The following ONECUT1 variants were observed in gnomAD, a reference collection of about 807,000 sequenced individuals.
ONECUT1 encodes one cut homeobox 1, also known as hepatocyte nuclear factor 6.
Under a neutral mutation model 25.6 loss-of-function variants are expected in ONECUT1, and 12 were observed. The ratio of observed to expected loss-of-function variants is 0.47; its 90% CI spans 0.30 to 0.76. The LOEUF is 0.76. Among genes scored for constraint, ONECUT1 ranks in the 30% least tolerant of loss-of-function variants. ONECUT1 has a pLI of 0.07. For synonymous variants in ONECUT1, 285 were observed against 270.2 expected (o/e 1.05, Z -0.54); for missense variants, 620 against 651.2 (o/e 0.95, Z 0.52).
rs183481516 is a variant in ONECUT1 at position 52,774,005 on chromosome 15, C to T, written c.1105+14775G>A. Among the ~76,000 whole-genome samples the T allele has an allele frequency of 2.4e-4, 37 of 152,194 alleles. 1 individual carries two copies. The highest frequency in any genetic ancestry group is 7.5e-4 in the African/African-American group (31 of 41,526). On this transcript the variant is annotated intron_variant, in intron 1 of 1. Transcript: ENST00000305901. ...ATTACCAGAGATTTTTTATTGTCTC[C>T]ATTATTCTTTTATGTGTTTTCAAAT...
intron 1 of ONECUT1, among the ~76,000 whole-genome samples, chr15:52,778,465 A>C (rs1293551355): frequency 6.6e-6 from 1 of 152,204 alleles, no homozygotes; most frequent in Non-Finnish European, 1.5e-5. Context: ...TGCTAGATAT[A>C]TGTAGGTCCA....
At chr15:52,770,579 G>A (rs555774286) in intron 1 of ONECUT1, among the ~76,000 whole-genome samples, 75 of 152,228 alleles carry the variant, frequency 4.9e-4, no homozygotes, top group Middle Eastern at 3.4e-3. Flanking sequence ...CATCAACATC[G>A]CCTGGGAGCA....
intron 1 of ONECUT1, among the ~76,000 whole-genome samples, chr15:52,783,574 A>G (rs1475011606): frequency 6.6e-6 from 1 of 152,208 alleles, no homozygotes; most frequent in African/African-American, 2.4e-5. Context: ...CCCACCCCAC[A>G]CAAGAGGAAA....
chr15:52,767,458 G>A (rs891909528), intron 1 of ONECUT1, among the ~76,000 whole-genome samples: 22 of 152,112 alleles, frequency 1.4e-4, no homozygotes, highest in African/African-American at 4.6e-4. Flanking sequence ...AATGATACTG[G>A]CATCGTCCTC....
intron 1 of ONECUT1, among the ~76,000 whole-genome samples, chr15:52,770,752 A>C (rs1483644975): frequency 6.6e-6 from 1 of 152,246 alleles, no homozygotes; most frequent in Non-Finnish European, 1.5e-5. Flanking sequence ...ATCAAATCCA[A>C]AGACAAAAAT....
chr15:52,783,773 C>A (rs2083856327), intron 1 of ONECUT1, among the ~76,000 whole-genome samples: 2 of 152,194 alleles, frequency 1.3e-5, no homozygotes, highest in African/African-American at 4.8e-5. Context: ...GAAAACACGC[C>A]AACAAAAGCA....
At chr15:52,766,031 T>C (rs908666151) in intron 1 of ONECUT1, among the ~76,000 whole-genome samples, 1 of 152,154 alleles carries the variant, frequency 6.6e-6, no homozygotes, top group Non-Finnish European at 1.5e-5. Flanking sequence ...TGTGTCTCTG[T>C]GAGTAGCCAG....
At chr15:52,759,547 C>A (rs2083693369) in intron 1 of ONECUT1, among the ~76,000 whole-genome samples, 1 of 152,144 alleles carries the variant, frequency 6.6e-6, no homozygotes, top group Admixed American at 6.5e-5. Context: ...ATTTATAAAT[C>A]ATATACATGT....
chr15:52,789,155 T>C lies in ONECUT1; in HGVS notation c.730A>G (p.Ile244Val). ...LTPTSAGMVP[I>V]NGLPPHHPHA... ...GGATGGTGCGGAGGAAGGCCGTTGA[T>C]GGGCACCATGCCGGCCGAGGTGGGC... Residue 244 changes from isoleucine (I) to valine (V), a missense_variant, in exon 1 of 2, where the codon ATC becomes GTC. Ile to Val is a conservative substitution (Grantham distance 29, BLOSUM62 3). Transcript: ENST00000305901. The surrounding 1 kb of genome is among the most constrained non-coding windows in gnomAD (Gnocchi z 4.1). 1 of 1,595,484 alleles carries C rather than the reference T, an allele frequency of 6.3e-7. No individual in the cohort carries two copies. Among genetic ancestry groups the C allele is most frequent in the Non-Finnish European group, 8.5e-7 (1 of 1,175,960 alleles).
Position 52,789,528 on chromosome 15 carries a change from C to T in ONECUT1, c.357G>A (p.Ser119=), listed in dbSNP as rs761297829. 3 of 1,606,450 alleles carry T rather than the reference C, an allele frequency of 1.9e-6. No individual in the cohort carries two copies. Among genetic ancestry groups the T allele is most frequent in the Non-Finnish European group, 2.6e-6 (3 of 1,176,366 alleles). The change falls in exon 1 of 2, where the codon TCG becomes TCA. Residue 119 remains serine (S), a synonymous_variant. Coordinates refer to ENST00000305901, the MANE Select transcript of ONECUT1 (RefSeq NM_004498.4). This position sits in a 1 kb window ranked among gnomAD's most constrained non-coding sequence, Gnocchi z 4.1. ...GGTGGTGATGGTGGGGGAACTTGTC[C>T]GAGACTGTGGAGATGGGAGGCAGCG... is the stretch of plus-strand genomic sequence containing the variant. The part of the protein sequence containing the change: ...LQPLPPISTV[S]DKFPHHHHHH...
intron 1 of ONECUT1, among the ~76,000 whole-genome samples, chr15:52,775,638 A>G (rs2083795048): frequency 1.3e-5 from 2 of 152,238 alleles, no homozygotes; most frequent in African/African-American, 4.8e-5. Context: ...TGCTGTTCAA[A>G]TTAAAATAAT....
intron 1 of ONECUT1, among the ~76,000 whole-genome samples, chr15:52,781,957 G>C (rs994700418): frequency 1.3e-5 from 2 of 152,176 alleles, no homozygotes; most frequent in African/African-American, 4.8e-5. Flanking sequence ...TGACAAATGA[G>C]ATTGGTTGTA....
chr15:52,777,738 A>ACACACAC lies in ONECUT1; in HGVS notation c.1105+11041_1105+11042insGTGTGTG, dbSNP rs1555416123. On this transcript the variant is annotated intron_variant, in intron 1 of 1. Coordinates refer to ENST00000305901, the MANE Select transcript of ONECUT1 (RefSeq NM_004498.4). ...CACACACACACACACACACACACAC[A>ACACACAC]AAAAAACATGTAAAGTTATTTGTTC... Among the ~76,000 whole-genome samples, 99 of 97,024 alleles carry ACACACAC rather than the reference A, an allele frequency of 1.0e-3. 3 individuals are homozygous for ACACACAC. Among genetic ancestry groups the ACACACAC allele is most frequent in the African/African-American group, 6.3e-3 (85 of 13,422 alleles). The allele number at this position is 97,024 out of a possible 152,430, so 63.7% of individuals were successfully genotyped here.
chr15:52,776,539 C>T (rs2083802266), intron 1 of ONECUT1, among the ~76,000 whole-genome samples: 2 of 152,214 alleles, frequency 1.3e-5, no homozygotes, highest in South Asian at 2.1e-4. Flanking sequence ...CTCCAGCATG[C>T]TTTCAAAAGC....
At chr15:52,774,873 A>T (rs933248809) in intron 1 of ONECUT1, among the ~76,000 whole-genome samples, 6 of 152,234 alleles carry the variant, frequency 3.9e-5, no homozygotes, top group African/African-American at 1.4e-4. Context: ...ACTGTATGGT[A>T]GATATAATGT....
In ONECUT1 at chr15:52,767,941, A is replaced by G. The variant is rs2083744401; in HGVS notation, c.1106-10094T>C. 3.3e-5 allele frequency among the ~76,000 whole-genome samples: 5 copies of G among 152,328 alleles called. No individual in the cohort carries two copies. The South Asian group carries it at 1.0e-3, about 32-fold the overall frequency. On this transcript the variant is annotated intron_variant, in intron 1 of 1. Coordinates refer to ENST00000305901, the MANE Select transcript of ONECUT1 (RefSeq NM_004498.4). ...GTTCAGTGAAATAAGCCAGGCACAG[A>G]AAGGTAAATATTGCATGTTCTCACT...
At chr15:52,779,473 ATAT>A (rs2083825747) in intron 1 of ONECUT1, among the ~76,000 whole-genome samples, 1 of 152,156 alleles carries the variant, frequency 6.6e-6, no homozygotes, top group South Asian at 2.1e-4. Context: ...AAGACGGGTG[ATAT>A]TATTCGATGG....
chr15:52,765,394 AC>A (rs1555415220), intron 1 of ONECUT1, among the ~76,000 whole-genome samples: 1 of 152,196 alleles, frequency 6.6e-6, no homozygotes, highest in Non-Finnish European at 1.5e-5. Flanking sequence ...TCTCACCCCT[AC>A]CTGCCACTGA....
At chr15:52,758,470 G>A (rs887160701) in intron 1 of ONECUT1, among the ~76,000 whole-genome samples, 3 of 151,882 alleles carry the variant, frequency 2.0e-5, no homozygotes, top group Non-Finnish European at 4.4e-5. Flanking sequence ...TTTTTATCAT[G>A]GCCATCAAAC....
Sources: allele counts gnomAD v4.1 joint callset (sites outside exome capture counted in the v4.1 genomes callset), GRCh38; gene constraint gnomAD v4.1.1; non-coding constraint Gnocchi (gnomAD v3.1); transcripts MANE v1.5; gene names NCBI Gene and HGNC (gene_info 2026-07-23, HGNC 2026-07-21).